SPATS2: variants seen among roughly 807,000 people sequenced by gnomAD.
SPATS2 encodes spermatogenesis-associated serine-rich protein 2.
In SPATS2, 38 loss-of-function variants were observed where a neutral mutation model predicts 63.7. That is an observed-to-expected ratio of 0.60 (90% CI 0.46 to 0.78). The LOEUF is 0.78. SPATS2 is among the 30% of genes least tolerant of loss of function. SPATS2 has a pLI of 0.00. For synonymous variants in SPATS2, 207 were observed against 232.9 expected (o/e 0.89, Z 1.01); for missense variants, 588 against 666.2 (o/e 0.88, Z 1.29).
chr12:49,460,320 G>C (rs1051457873), intron 2 of SPATS2, among the ~76,000 whole-genome samples: 1 of 151,888 alleles, frequency 6.6e-6, no homozygotes, highest in African/African-American at 2.4e-5. Flanking sequence ...TGGGCGTGGT[G>C]GTGCACGCCT....
intron 7 of SPATS2, 42 bp downstream of exon 7, chr12:49,495,044 A>G (rs1592456138): frequency 2.0e-6 from 3 of 1,493,044 alleles, no homozygotes; most frequent in African/African-American, 1.4e-5. Context: ...CATTCAGTTG[A>G]AAAACAGGGT....
intron 2 of SPATS2, among the ~76,000 whole-genome samples, chr12:49,427,840 A>T (rs554796811): frequency 1.5e-3 from 224 of 152,328 alleles, no homozygotes; most frequent in Non-Finnish European, 2.3e-3. Flanking sequence ...CTAGCTCTTT[A>T]AAAACCTTCA....
At chr12:49,448,884 T>G (rs1945565486) in intron 2 of SPATS2, among the ~76,000 whole-genome samples, 1 of 152,210 alleles carries the variant, frequency 6.6e-6, no homozygotes. Flanking sequence ...TTATAAAATT[T>G]AACAAGCTTT....
At chr12:49,509,490 G>C (rs932632498) in intron 9 of SPATS2, among the ~76,000 whole-genome samples, 1 of 151,814 alleles carries the variant, frequency 6.6e-6, no homozygotes, top group Non-Finnish European at 1.5e-5. Context: ...GCATCATCTT[G>C]AACTCCTGGC....
chr12:49,504,207 C>T (rs539095107), intron 9 of SPATS2, among the ~76,000 whole-genome samples: 13 of 152,328 alleles, frequency 8.5e-5, no homozygotes, highest in African/African-American at 3.1e-4. Flanking sequence ...TACATTACCC[C>T]TGACAAGGCA....
chr12:49,493,979 A>G (rs1386721096), intron 6 of SPATS2, among the ~76,000 whole-genome samples: 2 of 152,198 alleles, frequency 1.3e-5, no homozygotes, highest in Admixed American at 6.5e-5. Flanking sequence ...GCAGTCGCCT[A>G]TTGATCAACA....
At chr12:49,521,442 T>G (rs1946939948) in intron 11 of SPATS2, among the ~76,000 whole-genome samples, 1 of 152,126 alleles carries the variant, frequency 6.6e-6, no homozygotes, top group Non-Finnish European at 1.5e-5. Context: ...TAAAACTATA[T>G]GATTAAATTT....
At chr12:49,458,248 A>C (rs906962072) in intron 2 of SPATS2, among the ~76,000 whole-genome samples, 1 of 152,126 alleles carries the variant, frequency 6.6e-6, no homozygotes, top group African/African-American at 2.4e-5. Context: ...CAGACTGATC[A>C]CTGGAGGTCA....
Position 49,460,904 on chromosome 12 carries a change from A to G in SPATS2, c.-109A>G. The G allele has an allele frequency of 7.8e-7, 1 of 1,286,166 alleles. No homozygotes were observed. Among genetic ancestry groups the G allele is most frequent in the South Asian group, 1.3e-5 (1 of 76,080 alleles). 79.7% of individuals were successfully genotyped at this position (1,286,166 alleles called of 1,614,324 possible). On this transcript the variant is annotated 5_prime_UTR_variant, in exon 3 of 14. Coordinates refer to ENST00000552918, the MANE Select transcript of SPATS2 (RefSeq NM_023071.4). Reference sequence around the variant, plus strand: ...CAGGATTTCGTATTTTTTGCTTCCAACTGCACACTTCCGTTGCCCACTTTT... The same window carrying G: ...CAGGATTTCGTATTTTTTGCTTCCAGCTGCACACTTCCGTTGCCCACTTTT...
chr12:49,458,658 C>T (rs1216760776), intron 2 of SPATS2, among the ~76,000 whole-genome samples: 1 of 151,126 alleles, frequency 6.6e-6, no homozygotes, highest in African/African-American at 2.4e-5. Flanking sequence ...TGCATGCCTA[C>T]AATTCCAGCT....
At chr12:49,507,577 A>G (rs1356508424) in intron 9 of SPATS2, among the ~76,000 whole-genome samples, 2 of 152,264 alleles carry the variant, frequency 1.3e-5, no homozygotes, top group African/African-American at 2.4e-5. Flanking sequence ...TTTATTAGAT[A>G]TAAGTAAAAC....
At chr12:49,398,135 C>CAAA (rs71080193) in intron 2 of SPATS2, among the ~76,000 whole-genome samples, 2,913 of 45,212 alleles carry the variant, frequency 0.064, 388 homozygotes, top group African/African-American at 0.14. Context: ...GACCCTGTCT[C>CAAA]AAAAAAAAAA....
At chr12:49,425,928 C>T (rs910980863) in intron 2 of SPATS2, among the ~76,000 whole-genome samples, 3 of 152,176 alleles carry the variant, frequency 2.0e-5, no homozygotes, top group African/African-American at 7.2e-5. Context: ...CCACCATGCC[C>T]AGCCAGTATT....
intron 9 of SPATS2, chr12:49,513,031 C>A: frequency 1.7e-5 from 11 of 664,722 alleles, no homozygotes; most frequent in Non-Finnish European, 2.3e-5. Context: ...TTATTAACAT[C>A]ATGCGTAACG....
At chr12:49,516,424 T>C (rs981694811) in intron 10 of SPATS2, among the ~76,000 whole-genome samples, 1 of 150,688 alleles carries the variant, frequency 6.6e-6, no homozygotes, top group South Asian at 2.1e-4. Context: ...ATAGAAAATT[T>C]TGGCCGGGTG....
chr12:49,436,332 C>T (rs1230789445), intron 2 of SPATS2, among the ~76,000 whole-genome samples: 2 of 144,994 alleles, frequency 1.4e-5, no homozygotes, highest in African/African-American at 2.6e-5. Context: ...CTCCTCACTT[C>T]GCAGTAGGGG....
intron 4 of SPATS2, among the ~76,000 whole-genome samples, chr12:49,489,231 C>T (rs1371912827): frequency 6.6e-6 from 1 of 152,152 alleles, no homozygotes; most frequent in East Asian, 1.9e-4. Context: ...CATATAACTT[C>T]TATTTCTAGC....
intron 2 of SPATS2, among the ~76,000 whole-genome samples, chr12:49,388,298 G>A (rs752362636): frequency 3.6e-4 from 55 of 151,922 alleles, no homozygotes; most frequent in Non-Finnish European, 1.3e-4. Flanking sequence ...CATATTTAAT[G>A]TGATTACTGA....
chr12:49,413,310 C>G (rs964143778), intron 2 of SPATS2, among the ~76,000 whole-genome samples: 11 of 152,120 alleles, frequency 7.2e-5, no homozygotes, highest in African/African-American at 2.7e-4. Context: ...CCTTGGACAT[C>G]TCTCTCTATT....
Sources: allele counts gnomAD v4.1 joint callset (sites outside exome capture counted in the v4.1 genomes callset), GRCh38; gene constraint gnomAD v4.1.1; transcripts MANE v1.5; gene names NCBI Gene and HGNC (gene_info 2026-07-23, HGNC 2026-07-21).